Variants in PKHD1L1 observed in about 807,000 individuals in gnomAD.
The protein encoded by PKHD1L1 is fibrocystin-L.
PKHD1L1 carries 434 observed loss-of-function variants against 462.9 expected under a neutral mutation model. The observed-to-expected ratio is 0.94, with a 90% confidence interval of 0.87 to 1.02. PKHD1L1 has a LOEUF of 1.02. Ranked by LOEUF, PKHD1L1 falls within the 50% of genes least tolerant of loss-of-function variation. The pLI, the probability that PKHD1L1 is intolerant of heterozygous loss-of-function variation, is 0.00. For synonymous variants in PKHD1L1, 1,781 were observed against 1,750.0 expected (o/e 1.02, Z -0.44); for missense variants, 5,202 against 5,096.1 (o/e 1.02, Z -0.63).
In PKHD1L1 at chr8:109,522,902, C is replaced by T; in HGVS notation, c.12330+12C>T. ...CAACAGATTCTGACGTAAGTCATAA[C>T]TCAAAATTTTACTTAAGTGAAGGAA... is the stretch of plus-strand genomic sequence containing the variant. On this transcript the variant is annotated intron_variant, in intron 75 of 77. Coordinates refer to ENST00000378402, the MANE Select transcript of PKHD1L1 (RefSeq NM_177531.6). 6.3e-7 allele frequency: 1 copy of T among 1,583,662 alleles called. No individual in the cohort carries two copies. The highest frequency in any genetic ancestry group is 8.6e-7 in the Non-Finnish European group (1 of 1,166,404).
intron 19 of PKHD1L1, among the ~76,000 whole-genome samples, chr8:109,411,253 G>T (rs1813844441): frequency 1.3e-5 from 2 of 151,978 alleles, no homozygotes; most frequent in Non-Finnish European, 2.9e-5. Context: ...TTGAATATGT[G>T]CTTTCTAATT....
intron 25 of PKHD1L1, among the ~76,000 whole-genome samples, chr8:109,427,908 T>C (rs1277638593): frequency 1.3e-5 from 2 of 151,394 alleles, no homozygotes; most frequent in African/African-American, 4.9e-5. Context: ...TCCCAGCTAC[T>C]TGGGAGGCTG....
chr8:109,425,299 A>C, intron 24 of PKHD1L1, 67 bp downstream of exon 24: 1 of 1,275,590 alleles, frequency 7.8e-7, no homozygotes. Flanking sequence ...ATAAAGTGTT[A>C]AATTTTGTTT....
At chr8:109,410,333 A>C (rs146213299) in intron 19 of PKHD1L1, among the ~76,000 whole-genome samples, 2,039 of 152,220 alleles carry the variant, frequency 0.013, 41 homozygotes, top group African/African-American at 0.039. Flanking sequence ...AAAGAGGTTT[A>C]ATTGGCTCAC....
chr8:109,364,729 A>G, intron 2 of PKHD1L1, 93 bp downstream of exon 2: 3 of 823,918 alleles, frequency 3.6e-6, no homozygotes, highest in Non-Finnish European at 5.7e-6. Flanking sequence ...CAAACAAACA[A>G]GCACCACTGG....
intron 62 of PKHD1L1, 44 bp from the exon 63 acceptor site, chr8:109,493,617 T>C (rs1818938175): frequency 1.6e-6 from 2 of 1,285,344 alleles, no homozygotes; most frequent in Non-Finnish European, 2.2e-6. Flanking sequence ...ATATAAATGT[T>C]TACTAGCCTG....
chr8:109,443,619 A>G, intron 36 of PKHD1L1, 57 bp from the exon 37 acceptor site: 1 of 1,319,506 alleles, frequency 7.6e-7, no homozygotes, highest in Non-Finnish European at 1.0e-6. Flanking sequence ...CAGTTTGAAA[A>G]CAGTTATCAT....
intron 61 of PKHD1L1, 36 bp downstream of exon 61, chr8:109,491,137 C>T (rs557147463): frequency 1.9e-6 from 3 of 1,577,956 alleles, no homozygotes; most frequent in Admixed American, 1.7e-5. Flanking sequence ...ATTACACATC[C>T]TGTGGAGGCT....
rs371572620 is a variant in PKHD1L1, at chr8:109,476,797, GA to G, written c.8917+135del. On this transcript the variant is annotated intron_variant, in intron 52 of 77. Transcript: ENST00000378402. Reference sequence around the variant, plus strand: ...GGATCCAATAAATGTTTGCTGAATGGAAAAACTGGAGACAAAATTTATTCTT... The same window carrying G: ...GGATCCAATAAATGTTTGCTGAATGGAAAACTGGAGACAAAATTTATTCTT... The G allele has an allele frequency of 2.1e-3, 1,667 of 785,190 alleles. 31 individuals are homozygous for G. In the South Asian group the frequency reaches 0.031, roughly 15 times the overall value. The allele number at this position is 785,190 out of a possible 1,614,324, so 48.6% of individuals were successfully genotyped here.
At position 109,507,727 on chromosome 8, in the gene PKHD1L1, G is replaced by T. The variant is rs2130977313; in HGVS notation, c.11059G>T (p.Asp3687Tyr). ...CDAKRKSFLR[D>Y]IDGSFLGNAG... The stretch of plus-strand genomic sequence containing the variant: ...TGCCAAGAGGAAATCTTTTCTTAGA[G>T]ACATAGATGGCTCCTTTCTGGGGAA... The change falls in exon 69 of 78, where the codon GAC becomes TAC. Residue 3687 changes from aspartate to tyrosine, a missense_variant. By Grantham distance (160) the Asp-to-Tyr change is radical. Coordinates refer to ENST00000378402, the MANE Select transcript of PKHD1L1 (RefSeq NM_177531.6). The T allele has an allele frequency of 6.2e-7, 1 of 1,613,488 alleles. No homozygotes were observed. Among genetic ancestry groups the T allele is most frequent in the Non-Finnish European group, 8.5e-7 (1 of 1,179,660 alleles).
rs1821043414 is a variant in PKHD1L1, at chr8:109,531,599, GAGGACCACTGA to G, written c.*1513_*1523del. Reference sequence around the variant, plus strand: ...GAAGAGCAGTGGAAGAAAACTGGGAGAGGACCACTGAAGGCCTAGGGGCTACAGAAAAAATT... The same window carrying G: ...GAAGAGCAGTGGAAGAAAACTGGGAGAGGCCTAGGGGCTACAGAAAAAATT... On this transcript the variant is annotated 3_prime_UTR_variant, in exon 78 of 78. Transcript: ENST00000378402. Among the ~76,000 whole-genome samples the G allele has an allele frequency of 6.6e-6, 1 of 152,148 alleles. No homozygotes were observed. Among genetic ancestry groups the G allele is most frequent in the African/African-American group, 2.4e-5 (1 of 41,436 alleles).
intron 12 of PKHD1L1, 104 bp downstream of exon 12, chr8:109,398,652 A>C: frequency 2.2e-6 from 1 of 456,296 alleles, no homozygotes; most frequent in Non-Finnish European, 3.6e-6. Context: ...TTGTAGTAAG[A>C]ATTGTAAGAA....
At chr8:109,401,665 T>G in intron 14 of PKHD1L1, 77 bp downstream of exon 14, 2 of 700,206 alleles carry the variant, frequency 2.9e-6, no homozygotes, top group South Asian at 5.5e-5. Flanking sequence ...TATTTTCAAT[T>G]TATTTTTATT....
rs776807883 is a variant in PKHD1L1, at chr8:109,436,430, T to G, written c.3598T>G (p.Leu1200Val). Residue 1200 changes from leucine to valine, a missense_variant, in exon 30 of 78, where the codon TTG (leucine) becomes GTG (valine). Physicochemically the swap from Leu to Val is conservative, Grantham distance 32. This residue lies in a region of PKHD1L1 where 4,497 missense variants were observed against 4,336.8 expected (regional missense o/e 1.04). Coordinates refer to ENST00000378402, the MANE Select transcript of PKHD1L1 (RefSeq NM_177531.6). The stretch of plus-strand genomic sequence containing the variant: ...AACCTGCAATGTGATTGAAGGGGAT[T>G]TGAATAGGATAACCTGCAGGACACC... ...NETCNVIEGDLNRITCRTPKK... is the reference protein window; with the variant it reads ...NETCNVIEGDVNRITCRTPKK... 1 of 1,613,388 alleles carries G rather than the reference T, an allele frequency of 6.2e-7. No homozygotes were observed. The highest frequency in any genetic ancestry group is 1.1e-5 in the South Asian group (1 of 90,988).
At chr8:109,466,487 G>T (rs1195157579) in intron 49 of PKHD1L1, 91 bp from the exon 50 acceptor site, 2 of 1,260,258 alleles carry the variant, frequency 1.6e-6, no homozygotes, top group Non-Finnish European at 2.1e-6. Context: ...CTGTATTAGT[G>T]GTACTATGGG....
At chr8:109,406,254 A>G in intron 16 of PKHD1L1, 81 bp from the exon 17 acceptor site, 2 of 1,338,990 alleles carry the variant, frequency 1.5e-6, no homozygotes, top group Non-Finnish European at 2.0e-6. Context: ...TATAAATACG[A>G]GACATCAGTG....
chr8:109,418,565 G>C (rs1189569014), intron 21 of PKHD1L1, among the ~76,000 whole-genome samples: 2 of 152,190 alleles, frequency 1.3e-5, no homozygotes, highest in African/African-American at 4.8e-5. Context: ...CTGAATCTGA[G>C]TTATACATTT....
intron 21 of PKHD1L1, among the ~76,000 whole-genome samples, chr8:109,415,090 TG>T (rs1039139886): frequency 2.0e-5 from 3 of 151,812 alleles, no homozygotes; most frequent in African/African-American, 7.3e-5. Context: ...CTTCACCTTC[TG>T]GGCTCAAGTG....
intron 68 of PKHD1L1, among the ~76,000 whole-genome samples, chr8:109,505,564 T>G (rs189405776): frequency 6.6e-6 from 1 of 152,270 alleles, no homozygotes; most frequent in Admixed American, 6.5e-5. Flanking sequence ...TTGACCATTT[T>G]CAGCTTAGGG....
Sources: allele counts gnomAD v4.1 joint callset (sites outside exome capture counted in the v4.1 genomes callset), GRCh38; gene constraint gnomAD v4.1.1; regional missense constraint gnomAD v4.1.1; transcripts MANE v1.5; gene names NCBI Gene and HGNC (gene_info 2026-07-23, HGNC 2026-07-21).